The following MXRA5 variants were observed in gnomAD, a reference collection of about 807,000 sequenced individuals.
MXRA5 encodes matrix remodeling associated 5.
Under a neutral mutation model 112.5 loss-of-function variants are expected in MXRA5, and 41 were observed. The observed-to-expected ratio is 0.36, with a 90% CI of 0.28 to 0.47. The LOEUF (loss-of-function observed/expected upper bound fraction) is 0.47, where lower values mean the gene tolerates loss of function less well. Ranked by LOEUF, MXRA5 falls within the 20% of genes least tolerant of loss-of-function variation. The pLI is 0.99. For synonymous variants in MXRA5, 862 were observed against 900.8 expected (o/e 0.96, Z 0.77); for missense variants, 2,150 against 2,251.0 (o/e 0.96, Z 0.91).
intron 2 of MXRA5, among the ~76,000 whole-genome samples, chrX:3,334,003 A>G (rs1319938243): frequency 9.0e-6 from 1 of 111,469 alleles, no homozygotes; most frequent in South Asian, 3.8e-4. Context: ...CTCTCTCAAG[A>G]CAGGGTCTGG....
At chrX:3,338,745 T>C (rs1395107232) in intron 2 of MXRA5, among the ~76,000 whole-genome samples, 2 of 110,413 alleles carry the variant, frequency 1.8e-5, no homozygotes, top group East Asian at 5.7e-4. Flanking sequence ...AGATAGATGA[T>C]AGGTAGGTAG....
chrX:3,344,025 G>C, intron 1 of MXRA5, among the ~76,000 whole-genome samples, 164 bp from the exon 2 acceptor site: 1 of 111,129 alleles, frequency 9.0e-6, no homozygotes, highest in Non-Finnish European at 1.9e-5. Context: ...GATGAAACAT[G>C]GTTTTTTTTC....
chrX:3,330,482 G>T, intron 3 of MXRA5, 74 bp from the exon 4 acceptor site: 1 of 1,124,852 alleles, frequency 8.9e-7, no homozygotes, highest in Non-Finnish European at 1.2e-6. Context: ...ACCACAAACA[G>T]AAACCAGTAC....
chrX:3,319,600 C>T (rs1218600743), intron 5 of MXRA5, among the ~76,000 whole-genome samples: 1 of 112,318 alleles, frequency 8.9e-6, no homozygotes, highest in African/African-American at 3.2e-5. Flanking sequence ...CCTACACAAA[C>T]TCTGGTTGAA....
chrX:3,341,416 AT>A (rs1921959260), intron 2 of MXRA5, among the ~76,000 whole-genome samples: 2 of 17,250 alleles, frequency 1.2e-4, no homozygotes, highest in Admixed American at 1.2e-3. Context: ...TTATTATTAT[AT>A]ATAATATATG....
chrX:3,316,294 A>G (rs1921128117), intron 6 of MXRA5, among the ~76,000 whole-genome samples: 1 of 89,499 alleles, frequency 1.1e-5, no homozygotes, highest in Non-Finnish European at 2.1e-5. Context: ...AGCCTGGGCC[A>G]CAGAGCGAGA....
At chrX:3,331,900 C>T (rs1423522434) in intron 2 of MXRA5, among the ~76,000 whole-genome samples, 4 of 112,209 alleles carry the variant, frequency 3.6e-5, no homozygotes, top group Non-Finnish European at 7.5e-5. Context: ...ATCACTGTTT[C>T]TGCTGAGACA....
chrX:3,326,627 G>GTTT (rs1921516955), intron 4 of MXRA5, among the ~76,000 whole-genome samples: 1 of 108,863 alleles, frequency 9.2e-6, no homozygotes, highest in Non-Finnish European at 1.9e-5. Flanking sequence ...ACACTTCACA[G>GTTT]AGTGTTTGCT....
chrX:3,344,974 C>G (rs1922073015), intron 1 of MXRA5, among the ~76,000 whole-genome samples: 1 of 108,305 alleles, frequency 9.2e-6, no homozygotes, highest in Non-Finnish European at 1.9e-5. Flanking sequence ...AACAAACAAA[C>G]AAAACAAAAT....
intron 6 of MXRA5, among the ~76,000 whole-genome samples, chrX:3,316,293 C>T (rs767625666): frequency 1.2e-5 from 1 of 86,413 alleles, no homozygotes; most frequent in Non-Finnish European, 2.2e-5. Flanking sequence ...CAGCCTGGGC[C>T]ACAGAGCGAG....
At position 3,310,744 on chromosome X, in the gene MXRA5, G is replaced by A. The variant is rs1284941071; in HGVS notation, c.7459C>T (p.Pro2487Ser). ...LWAFPEGVVL[P>S]APYYGNRITV... ...ATCCGGTTTCCATAGTATGGAGCTG[G>A]CAGAACCACACCCTCGGGAAAAGCC... Residue 2487 changes from proline (P) to serine (S), a missense_variant, in exon 7 of 7, where the codon CCA becomes TCA. Coordinates refer to ENST00000217939, the MANE Select transcript of MXRA5 (RefSeq NM_015419.4). The A allele has an allele frequency of 8.3e-7, 1 of 1,198,551 alleles. No individual in the cohort carries two copies. The highest frequency in any genetic ancestry group is 1.8e-5 in the African/African-American group (1 of 55,830).
At chrX:3,326,692 C>T (rs1400832476) in intron 4 of MXRA5, among the ~76,000 whole-genome samples, 8 of 110,050 alleles carry the variant, frequency 7.3e-5, no homozygotes, top group African/African-American at 9.9e-5. Flanking sequence ...CTGGAATTTT[C>T]TCCGTCCTTT....
intron 2 of MXRA5, among the ~76,000 whole-genome samples, chrX:3,338,953 G>C (rs1242588149): frequency 1.4e-5 from 1 of 70,586 alleles, no homozygotes; most frequent in Non-Finnish European, 2.3e-5. Flanking sequence ...ATAATAGATA[G>C]ATAGTTAGAT....
chrX:3,344,188 A>T (rs2146935557), intron 1 of MXRA5, among the ~76,000 whole-genome samples: 1 of 110,578 alleles, frequency 9.0e-6, no homozygotes, highest in South Asian at 3.9e-4. Context: ...GAGAGAGAAG[A>T]AAGAGGTTTA....
chrX:3,316,270 T>C lies in MXRA5; in HGVS notation c.6578+833A>G, dbSNP rs1401447323. Among the ~76,000 whole-genome samples, 282 of 88,931 alleles carry C rather than the reference T, an allele frequency of 3.2e-3. 6 individuals are homozygous for C. The highest frequency in any genetic ancestry group is 0.011 in the African/African-American group (254 of 22,220). The allele number at this position is 88,931 out of a possible 115,157, so 77.2% of individuals were successfully genotyped here. ...CGGAGCTTGCAGTGAGCCAAGATAG[T>C]GCCACTGCACTCCAGCCTGGGCCAC... On this transcript the variant is annotated intron_variant, in intron 6 of 6. Transcript: ENST00000217939.
intron 5 of MXRA5, among the ~76,000 whole-genome samples, chrX:3,318,281 T>A (rs1288497608): frequency 2.7e-5 from 3 of 111,513 alleles, no homozygotes; most frequent in African/African-American, 9.8e-5. Context: ...TAGCTGGGGC[T>A]ACAGGTGCAG....
chrX:3,311,409 C>T lies in MXRA5; in HGVS notation c.6794G>A (p.Cys2265Tyr). The change falls in exon 7 of 7, where the codon TGT (cysteine) becomes TAT (tyrosine). Residue 2265 changes from cysteine (C) to tyrosine (Y), a missense_variant. Coordinates refer to ENST00000217939, the MANE Select transcript of MXRA5 (RefSeq NM_015419.4). ...GGGATTGGGAAGCCCGGTGGCCACA[C>T]AGTCCACTTTCAGGTCACCCCCGTA... ...VFYGGDLKVD[C>Y]VATGLPNPEI... 1 of 1,212,039 alleles carries T rather than the reference C, an allele frequency of 8.3e-7. No homozygotes were observed.
intron 2 of MXRA5, among the ~76,000 whole-genome samples, chrX:3,336,631 A>G (rs997472424): frequency 1.3e-4 from 15 of 112,026 alleles, no homozygotes; most frequent in Non-Finnish European, 3.8e-5. Context: ...TGATGGATAC[A>G]CAATAGTTTG....
intron 2 of MXRA5, among the ~76,000 whole-genome samples, chrX:3,337,467 CTCTG>C (rs1370883595): frequency 8.9e-6 from 1 of 111,823 alleles, no homozygotes; most frequent in Non-Finnish European, 1.9e-5. Flanking sequence ...CTATCTGTCC[CTCTG>C]TCTGTATCTA....
Sources: gnomAD v4.1 joint callset for allele counts (sites outside exome capture counted in the v4.1 genomes callset) on GRCh38, gnomAD v4.1.1 for gene constraint, MANE v1.5 for transcripts, NCBI Gene and HGNC (gene_info 2026-07-23, HGNC 2026-07-21) for gene names.